The following GATAD2A variants were observed in gnomAD, a reference collection of about 807,000 sequenced individuals.
GATAD2A encodes the protein transcriptional repressor p66-alpha.
Under a neutral mutation model 68.5 loss-of-function variants are expected in GATAD2A, and 12 were observed. The ratio of observed to expected loss-of-function variants is 0.18; its 90% CI spans 0.11 to 0.28. GATAD2A has a LOEUF of 0.28. GATAD2A is among the 10% of genes least tolerant of loss of function. The probability of loss-of-function intolerance (pLI) is 1.00; values close to 1 mark genes in which losing one functional copy is unlikely to be tolerated. For synonymous variants in GATAD2A, 410 were observed against 375.3 expected, an observed-to-expected ratio of 1.09 and a Z score of -1.07; for missense variants, 755 against 868.5, an observed-to-expected ratio of 0.87 and a Z score of 1.64.
rs1021586497 is a variant in GATAD2A, at chr19:19,467,529, T to C, written c.269+1915T>C. 5.9e-5 allele frequency among the ~76,000 whole-genome samples: 9 copies of C among 152,214 alleles called. 1 individual carries two copies. Among genetic ancestry groups the C allele is most frequent in the Admixed American group, 5.9e-4 (9 of 15,282 alleles). ...GGGATTATATACTATGTACCTTTTATCTTCCTGCTTTCACTCAGCATTGTG... is the reference window on the plus strand; with the variant it reads ...GGGATTATATACTATGTACCTTTTACCTTCCTGCTTTCACTCAGCATTGTG... On this transcript the variant is annotated intron_variant, in intron 2 of 11. Coordinates refer to ENST00000683918, the MANE Select transcript of GATAD2A (RefSeq NM_001384528.1).
chr19:19,425,117 A>G (rs1366041238), intron 1 of GATAD2A, among the ~76,000 whole-genome samples: 30 of 152,054 alleles, frequency 2.0e-4, no homozygotes, highest in Non-Finnish European at 1.0e-4. Flanking sequence ...GAATAGAATA[A>G]CTGGAGGTTT....
At chr19:19,483,850 G>T (rs567485081) in intron 2 of GATAD2A, among the ~76,000 whole-genome samples, 3 of 146,440 alleles carry the variant, frequency 2.0e-5, no homozygotes, top group African/African-American at 7.7e-5. Flanking sequence ...GGATGGTCTC[G>T]ATCTCTTGAC....
intron 1 of GATAD2A, among the ~76,000 whole-genome samples, chr19:19,454,583 G>GT (rs376743766): frequency 4.6e-5 from 7 of 151,194 alleles, no homozygotes; most frequent in Non-Finnish European, 8.8e-5. Context: ...GGGTGACAGA[G>GT]TGAGACCCTG....
chr19:19,429,237 G>A (rs2053453352), intron 1 of GATAD2A: 1 of 985,062 alleles, frequency 1.0e-6, no homozygotes, highest in African/African-American at 1.7e-5. Flanking sequence ...CAGCATCGTG[G>A]TCCATGGTGA....
At chr19:19,458,008 T>C (rs182665941) in intron 1 of GATAD2A, among the ~76,000 whole-genome samples, 2 of 152,266 alleles carry the variant, frequency 1.3e-5, no homozygotes, top group African/African-American at 2.4e-5. Flanking sequence ...AGACGATCTC[T>C]CAGTTTGGGG....
Position 19,405,890 on chromosome 19 carries a change from C to G in GATAD2A, c.-136C>G, listed in dbSNP as rs1441244677. On this transcript the variant is annotated 5_prime_UTR_variant, in exon 1 of 12. Transcript: ENST00000683918. ...AGCGAGCGCCGCGGGCCCGGGCGGCCCCACAGGCGGAACGAGCGCGCGCGG... is the reference window on the plus strand; with the variant it reads ...AGCGAGCGCCGCGGGCCCGGGCGGCGCCACAGGCGGAACGAGCGCGCGCGG... 2 of 145,968 alleles carry G rather than the reference C, an allele frequency of 1.4e-5. No individual in the cohort carries two copies. The highest frequency in any genetic ancestry group is 3.0e-5 in the Non-Finnish European group (2 of 65,750). 9.0% of individuals were successfully genotyped at this position (145,968 alleles called of 1,614,324 possible). A position where few individuals can be genotyped will look rare whatever the true frequency, so the allele number is the denominator to read the frequency against.
At chr19:19,389,354 C>T (rs1469989373) in intron 1 of GATAD2A, among the ~76,000 whole-genome samples, 1 of 152,168 alleles carries the variant, frequency 6.6e-6, no homozygotes, top group Non-Finnish European at 1.5e-5. Context: ...AAGTTCTTCC[C>T]TCTGACTCCA....
chr19:19,476,687 G>A lies in GATAD2A; in HGVS notation c.269+11073G>A, dbSNP rs10404351. Among the ~76,000 whole-genome samples, 1,508 of 152,316 alleles carry A rather than the reference G, an allele frequency of 9.9e-3. 27 individuals are homozygous for A. The highest frequency in any genetic ancestry group is 0.035 in the African/African-American group (1,436 of 41,548). ...AGGAGTGGAGCGAAGGGCAGTGGGC[G>A]CCAGGCCTTGGGGGTCTCTGTGTGC... On this transcript the variant is annotated intron_variant, in intron 2 of 11. Coordinates refer to ENST00000683918, the MANE Select transcript of GATAD2A (RefSeq NM_001384528.1).
intron 11 of GATAD2A, among the ~76,000 whole-genome samples, chr19:19,504,734 G>C (rs563159725): frequency 2.0e-4 from 30 of 150,822 alleles, no homozygotes; most frequent in African/African-American, 7.1e-4. Flanking sequence ...TTGCAGCCTG[G>C]ATCTCCTAGG....
At chr19:19,427,050 C>T (rs757075819) in intron 1 of GATAD2A, among the ~76,000 whole-genome samples, 1 of 151,560 alleles carries the variant, frequency 6.6e-6, no homozygotes, top group Non-Finnish European at 1.5e-5. Flanking sequence ...CAAAAAGACA[C>T]ACTTATGATT....
intron 1 of GATAD2A, among the ~76,000 whole-genome samples, chr19:19,453,635 A>G (rs1043551989): frequency 1.3e-5 from 2 of 151,524 alleles, no homozygotes; most frequent in Non-Finnish European, 2.9e-5. Flanking sequence ...AGCTGAGACC[A>G]CAGGCGTGTA....
chr19:19,427,887 C>T (rs1375313241), intron 1 of GATAD2A: 1 of 152,020 alleles, frequency 6.6e-6, no homozygotes, highest in Admixed American at 6.6e-5. Flanking sequence ...TAGGGTTTTA[C>T]CATGTTGGCC....
intron 1 of GATAD2A, among the ~76,000 whole-genome samples, chr19:19,415,504 C>T (rs1216550159): frequency 6.6e-6 from 1 of 150,968 alleles, no homozygotes; most frequent in Non-Finnish European, 1.5e-5. Context: ...GGCTGGAATG[C>T]AGTGGCACAA....
At chr19:19,423,220 T>C (rs2052646183) in intron 1 of GATAD2A, among the ~76,000 whole-genome samples, 1 of 152,200 alleles carries the variant, frequency 6.6e-6, no homozygotes, top group Non-Finnish European at 1.5e-5. Flanking sequence ...TTGCCTAGGC[T>C]GGTCTCAAAC....
intron 2 of GATAD2A, among the ~76,000 whole-genome samples, chr19:19,478,572 C>T (rs1369120622): frequency 1.3e-5 from 2 of 151,330 alleles, no homozygotes; most frequent in African/African-American, 2.4e-5. Flanking sequence ...CCAGCCTCGG[C>T]GACAGAGTGA....
chr19:19,471,238 G>C (rs927921370), intron 2 of GATAD2A, among the ~76,000 whole-genome samples: 1 of 123,538 alleles, frequency 8.1e-6, no homozygotes, highest in Non-Finnish European at 1.6e-5. Flanking sequence ...CCTGGTGACA[G>C]AACAAGACTG....
intron 11 of GATAD2A, among the ~76,000 whole-genome samples, chr19:19,502,846 TCTTGC>T (rs2060630021): frequency 6.6e-6 from 1 of 152,216 alleles, no homozygotes; most frequent in Non-Finnish European, 1.5e-5. Context: ...CACACCCCTA[TCTTGC>T]CCACTCAGGG....
rs1017756885 is a variant in GATAD2A at position 19,506,470 on chromosome 19, T to C, written c.*996T>C. 10 of 218,194 alleles carry C rather than the reference T, an allele frequency of 4.6e-5. No individual in the cohort carries two copies. Among genetic ancestry groups the C allele is most frequent in the African/African-American group, 2.0e-4 (9 of 44,004 alleles). The allele number at this position is 218,194 out of a possible 1,614,324, so 13.5% of individuals were successfully genotyped here. On this transcript the variant is annotated 3_prime_UTR_variant, in exon 12 of 12. Coordinates refer to ENST00000683918, the MANE Select transcript of GATAD2A (RefSeq NM_001384528.1). ...CCACCCTGGCCTTGCTCCTGGGAGG[T>C]GAGCGTGCACAGGTGTGTGCAGGTC...
rs372837506 is a variant in GATAD2A at position 19,501,909 on chromosome 19, G to C, written c.1504-60G>C. Reference sequence around the variant, plus strand: ...GGCCTGTCCTGTGGGGCTCACCCTCGGTCACCCTGGGCCGGCCAGCGGACC... The same window carrying C: ...GGCCTGTCCTGTGGGGCTCACCCTCCGTCACCCTGGGCCGGCCAGCGGACC... On this transcript the variant is annotated intron_variant, in intron 9 of 11. Transcript: ENST00000683918. 226 of 1,344,806 alleles carry C rather than the reference G, an allele frequency of 1.7e-4. 1 individual carries two copies. Among genetic ancestry groups the C allele is most frequent in the Non-Finnish European group, 2.3e-4 (216 of 936,978 alleles). The allele number at this position is 1,344,806 out of a possible 1,614,324, so 83.3% of individuals were successfully genotyped here.
Sources: gnomAD v4.1 joint callset for allele counts (sites outside exome capture counted in the v4.1 genomes callset) on GRCh38, gnomAD v4.1.1 for gene constraint, MANE v1.5 for transcripts, NCBI Gene and HGNC (gene_info 2026-07-23, HGNC 2026-07-21) for gene names.